Variants in SLC30A6 observed in about 807,000 individuals in gnomAD.
The protein encoded by SLC30A6 is solute carrier family 30 member 6.
A neutral mutation model predicts 63.0 loss-of-function variants in SLC30A6; 55 were observed. The observed-to-expected ratio is 0.87, with a 90% CI of 0.70 to 1.09. The LOEUF is 1.09. Ranked by LOEUF, SLC30A6 falls within the 50% of genes least tolerant of loss-of-function variation. The pLI is 0.00. For missense variants in SLC30A6, 587 were observed against 549.2 expected (o/e 1.07, Z -0.69); for synonymous variants, 224 against 186.1 (o/e 1.20, Z -1.66).
chr2:32,168,908 TATGAC>T (rs1431437610), intron 1 of SLC30A6, among the ~76,000 whole-genome samples: 2 of 152,180 alleles, frequency 1.3e-5, no homozygotes, highest in African/African-American at 4.8e-5. Flanking sequence ...GGAAGAGTGA[TATGAC>T]ATTAGGATTT....
intron 10 of SLC30A6, chr2:32,202,756 G>T: frequency 1.4e-6 from 1 of 707,834 alleles, no homozygotes; most frequent in Non-Finnish European, 2.6e-6. Flanking sequence ...TCTGAAGACA[G>T]TCCTCAGACT....
chr2:32,201,954 T>G, intron 10 of SLC30A6: 1 of 1,441,518 alleles, frequency 6.9e-7, no homozygotes, highest in Admixed American at 2.1e-5. Flanking sequence ...TTAATAGACT[T>G]TCAGATGAAT....
chr2:32,173,834 A>C (rs573190864), intron 2 of SLC30A6, among the ~76,000 whole-genome samples: 1 of 152,296 alleles, frequency 6.6e-6, no homozygotes, highest in South Asian at 2.1e-4. Flanking sequence ...TCTATGTCAG[A>C]ATTTATTTTC....
intron 3 of SLC30A6, among the ~76,000 whole-genome samples, chr2:32,174,479 C>T (rs1490029815): frequency 1.3e-5 from 2 of 151,536 alleles, no homozygotes; most frequent in African/African-American, 2.4e-5. Flanking sequence ...AGGCGTAAGC[C>T]ACAATGCCTG....
chr2:32,171,496 A>T, intron 2 of SLC30A6, 123 bp downstream of exon 2: 2 of 675,012 alleles, frequency 3.0e-6, no homozygotes, highest in Non-Finnish European at 4.9e-6. Flanking sequence ...TCATTTTTCT[A>T]TGTTGGAAAA....
rs919102371 is a variant in SLC30A6 at position 32,222,371 on chromosome 2, T to G, written c.*1658T>G. ...TGGAGATTTATGACTTTCCCAGCCA[T>G]CAGCCAGCTATCTAGAGAAGATTTT... On this transcript the variant is annotated 3_prime_UTR_variant, in exon 14 of 14. Coordinates refer to ENST00000282587, the MANE Select transcript of SLC30A6 (RefSeq NM_017964.5). 1 of 152,208 alleles carries G rather than the reference T, an allele frequency of 6.6e-6. No individual in the cohort carries two copies. Among genetic ancestry groups the G allele is most frequent in the African/African-American group, 2.4e-5 (1 of 41,462 alleles). The allele number at this position is 152,208 out of a possible 1,614,324, so 9.4% of individuals were successfully genotyped here.
intron 6 of SLC30A6, among the ~76,000 whole-genome samples, chr2:32,192,637 T>G (rs1357876975): frequency 1.3e-5 from 2 of 152,068 alleles, no homozygotes; most frequent in African/African-American, 2.4e-5. Context: ...TGGTTGTGAA[T>G]GAAACAGAGA....
rs969616805 is a variant in SLC30A6 at position 32,223,770 on chromosome 2, G to A, written c.*3057G>A. The stretch of plus-strand genomic sequence containing the variant: ...AGAGTTCTCTTAGACTTCTTTCTTT[G>A]TAAGGAAGGGTTATTTGGGGAAGTG... On this transcript the variant is annotated 3_prime_UTR_variant, in exon 14 of 14. Coordinates refer to ENST00000282587, the MANE Select transcript of SLC30A6 (RefSeq NM_017964.5). 2 of 152,098 alleles carry A rather than the reference G, an allele frequency of 1.3e-5. No homozygotes were observed. Among genetic ancestry groups the A allele is most frequent in the African/African-American group, 4.8e-5 (2 of 41,416 alleles). 9.4% of individuals were successfully genotyped at this position (152,098 alleles called of 1,614,324 possible). A position where few individuals can be genotyped will look rare whatever the true frequency, so the allele number is the denominator to read the frequency against.
intron 1 of SLC30A6, among the ~76,000 whole-genome samples, chr2:32,169,866 A>G (rs1681038728): frequency 6.6e-6 from 1 of 152,244 alleles, no homozygotes; most frequent in Non-Finnish European, 1.5e-5. Flanking sequence ...TAACAATACA[A>G]AGTTGCAAAA....
rs189166858 is a variant in SLC30A6, at chr2:32,175,988, A to G, written c.218+627A>G. ...CTCAGTCTCAAAAAACAAAATATTT[A>G]TAAATTTGATTATATTAAAGTTAAA... On this transcript the variant is annotated intron_variant, in intron 4 of 13. Coordinates refer to ENST00000282587, the MANE Select transcript of SLC30A6 (RefSeq NM_017964.5). 4.2e-3 allele frequency among the ~76,000 whole-genome samples: 635 copies of G among 152,256 alleles called. 9 individuals carry two copies. Among genetic ancestry groups the G allele is most frequent in the African/African-American group, 0.015 (625 of 41,540 alleles).
chr2:32,203,921 C>T, intron 10 of SLC30A6: 1 of 846,156 alleles, frequency 1.2e-6, no homozygotes, highest in East Asian at 2.4e-5. Context: ...GGGAGTCGCT[C>T]AGGAAGTTGA....
chr2:32,196,511 A>T (rs1683803912), intron 8 of SLC30A6, among the ~76,000 whole-genome samples: 1 of 152,142 alleles, frequency 6.6e-6, no homozygotes, highest in Non-Finnish European at 1.5e-5. Flanking sequence ...TGTAGTTTGA[A>T]TATCCCTTAT....
intron 5 of SLC30A6, among the ~76,000 whole-genome samples, chr2:32,190,400 A>G (rs7420243): frequency 6.6e-6 from 1 of 151,704 alleles, no homozygotes; most frequent in African/African-American, 2.4e-5. Context: ...CAGAGGTTGC[A>G]GTGAGCCAAT....
intron 10 of SLC30A6, chr2:32,202,938 G>C: frequency 8.9e-7 from 1 of 1,123,262 alleles, no homozygotes; most frequent in East Asian, 2.3e-5. Flanking sequence ...AGTTACTGGA[G>C]ATGTCCTTCA....
chr2:32,182,284 G>A (rs74748101), intron 4 of SLC30A6, among the ~76,000 whole-genome samples: 88 of 152,176 alleles, frequency 5.8e-4, no homozygotes, highest in African/African-American at 2.0e-3. Flanking sequence ...GCCTTTATCC[G>A]ATGCAATTTC....
At chr2:32,205,145 G>A (rs1684637051) in intron 11 of SLC30A6, among the ~76,000 whole-genome samples, 1 of 152,098 alleles carries the variant, frequency 6.6e-6, no homozygotes, top group African/African-American at 2.4e-5. Flanking sequence ...TTTTGGCCAG[G>A]AGAGGTGGCT....
Position 32,220,514 on chromosome 2 carries a change from T to C in SLC30A6, c.1187T>C (p.Val396Ala), listed in dbSNP as rs769088181. ...TCATTTAACACTCCTGGGAAAAATG[T>C]GAACCCAGTTATTCTTCTAAACACA... ...EFSFNTPGKN[V>A]NPVILLNTQT... Residue 396 changes from valine to alanine, a missense_variant, in exon 14 of 14, where the codon GTG (valine) becomes GCG (alanine). Physicochemically the swap from Val to Ala is moderately conservative, Grantham distance 64. Coordinates refer to ENST00000282587, the MANE Select transcript of SLC30A6 (RefSeq NM_017964.5). 5 of 1,614,104 alleles carry C rather than the reference T, an allele frequency of 3.1e-6. No individual in the cohort carries two copies. Among genetic ancestry groups the C allele is most frequent in the African/African-American group, 2.7e-5 (2 of 74,930 alleles).
Position 32,201,709 on chromosome 2 carries a change from C to T in SLC30A6, c.666-2881C>T, listed in dbSNP as rs977535396. The stretch of plus-strand genomic sequence containing the variant: ...AAGAGCTTTATGGATATCACAGTTT[C>T]GGCTAATGGATTATGGACCTGTACT... On this transcript the variant is annotated intron_variant, in intron 10 of 13. Coordinates refer to ENST00000282587, the MANE Select transcript of SLC30A6 (RefSeq NM_017964.5). The T allele has an allele frequency of 1.6e-5, 23 of 1,396,652 alleles. 1 individual carries two copies. The African/African-American group carries it at 2.0e-4, about 12-fold the overall frequency. 86.5% of individuals were successfully genotyped at this position (1,396,652 alleles called of 1,614,324 possible).
At chr2:32,169,175 GTATT>G (rs940915970) in intron 1 of SLC30A6, among the ~76,000 whole-genome samples, 9 of 151,664 alleles carry the variant, frequency 5.9e-5, no homozygotes, top group African/African-American at 1.7e-4. Flanking sequence ...ATTTATTTAT[GTATT>G]TATTTATTTA....
Sources: gnomAD v4.1 joint callset for allele counts (sites outside exome capture counted in the v4.1 genomes callset) on GRCh38, gnomAD v4.1.1 for gene constraint, MANE v1.5 for transcripts, NCBI Gene and HGNC (gene_info 2026-07-23, HGNC 2026-07-21) for gene names.